Variants in DGCR2 observed in about 807,000 individuals in gnomAD.
DGCR2 encodes the protein integral membrane protein DGCR2/IDD.
DGCR2 carries 24 observed loss-of-function variants against 51.6 expected under a neutral mutation model. The observed-to-expected ratio is 0.47, with a 90% confidence interval of 0.34 to 0.65. The LOEUF is 0.65. Ranked by LOEUF, DGCR2 falls within the 30% of genes least tolerant of loss-of-function variation. DGCR2 has a pLI of 0.01. For synonymous variants in DGCR2, 340 were observed against 315.4 expected (o/e 1.08, Z -0.82); for missense variants, 765 against 772.1 (o/e 0.99, Z 0.11).
chr22:19,106,411 G>A (rs1356148419), intron 1 of DGCR2, among the ~76,000 whole-genome samples: 2 of 152,134 alleles, frequency 1.3e-5, no homozygotes, highest in African/African-American at 2.4e-5. Flanking sequence ...CTGCCACTGC[G>A]TCTCAGCAGC....
At chr22:19,120,680 T>A (rs1044105415) in intron 1 of DGCR2, among the ~76,000 whole-genome samples, 1 of 152,148 alleles carries the variant, frequency 6.6e-6, no homozygotes, top group African/African-American at 2.4e-5. Flanking sequence ...CTGAGCCCGG[T>A]GACCTCATCT....
At chr22:19,084,156 G>A (rs2082978061) in intron 2 of DGCR2, among the ~76,000 whole-genome samples, 1 of 152,162 alleles carries the variant, frequency 6.6e-6, no homozygotes, top group Admixed American at 6.5e-5. Flanking sequence ...TCTGGGAAGT[G>A]AGGAGTGTCT....
In DGCR2 at chr22:19,036,436, T is replaced by A. The variant is rs1487921515; in HGVS notation, c.*2429A>T. On this transcript the variant is annotated 3_prime_UTR_variant, in exon 10 of 10. Coordinates refer to ENST00000263196, the MANE Select transcript of DGCR2 (RefSeq NM_005137.3). ...ACAATGTACAGTATCAAATCCCACC[T>A]CCGCATGGCAGGTCAGAGGGCACCT... 3 of 152,412 alleles carry A rather than the reference T, an allele frequency of 2.0e-5. No individual in the cohort carries two copies. Among genetic ancestry groups the A allele is most frequent in the Non-Finnish European group, 4.4e-5 (3 of 68,014 alleles). 9.4% of individuals were successfully genotyped at this position (152,412 alleles called of 1,614,324 possible). A position where few individuals can be genotyped will look rare whatever the true frequency, so the allele number is the denominator to read the frequency against.
At chr22:19,072,808 A>G (rs1218697134) in intron 2 of DGCR2, among the ~76,000 whole-genome samples, 1 of 152,224 alleles carries the variant, frequency 6.6e-6, no homozygotes, top group Admixed American at 6.5e-5. Context: ...CGGGAGGCAG[A>G]GGTTGCAGTG....
At chr22:19,066,278 G>A (rs190401866) in intron 3 of DGCR2, among the ~76,000 whole-genome samples, 2 of 152,304 alleles carry the variant, frequency 1.3e-5, no homozygotes, top group Admixed American at 6.5e-5. Context: ...GGGCACACCT[G>A]TAGTCCCAGC....
chr22:19,108,886 C>A (rs1386296294), intron 1 of DGCR2, among the ~76,000 whole-genome samples: 2 of 151,532 alleles, frequency 1.3e-5, no homozygotes, highest in Non-Finnish European at 2.9e-5. Context: ...AAAAAATTAG[C>A]TGGGTGTGGT....
intron 7 of DGCR2, among the ~76,000 whole-genome samples, chr22:19,042,740 A>C (rs1276097901): frequency 1.3e-5 from 2 of 152,064 alleles, no homozygotes; most frequent in African/African-American, 2.4e-5. Flanking sequence ...TACACTTGGG[A>C]CTCGGATTGC....
At chr22:19,074,252 C>G (rs191634529) in intron 2 of DGCR2, among the ~76,000 whole-genome samples, 35 of 152,066 alleles carry the variant, frequency 2.3e-4, no homozygotes, top group Admixed American at 5.2e-4. Context: ...TGGTGAAACC[C>G]TGTCTCTACT....
intron 1 of DGCR2, among the ~76,000 whole-genome samples, chr22:19,115,620 A>G (rs2083365516): frequency 6.6e-6 from 1 of 152,256 alleles, no homozygotes. Context: ...CATTTGTTCA[A>G]TAACTGATTT....
rs5747978 is a variant in DGCR2, at chr22:19,089,441, C to T, written c.129G>A (p.Gln43=). The T allele has an allele frequency of 6.2e-7, 1 of 1,608,414 alleles. No individual in the cohort carries two copies. Among genetic ancestry groups the T allele is most frequent in the Non-Finnish European group, 8.5e-7 (1 of 1,177,242 alleles). ...GQFACRSGTI[Q]CIPLPWQCDG... ...CACACTGCCAGGGGAGGGGGATGCA[C>T]TGGATGGTGCCGCTGCGACACGCAA... is the stretch of plus-strand genomic sequence containing the variant. The change falls in exon 2 of 10, where the codon CAG becomes CAA. Residue 43 remains glutamine, a synonymous_variant. Coordinates refer to ENST00000263196, the MANE Select transcript of DGCR2 (RefSeq NM_005137.3).
At chr22:19,046,851 C>A in intron 7 of DGCR2, 1 of 304,506 alleles carries the variant, frequency 3.3e-6, no homozygotes, top group Non-Finnish European at 7.0e-6. Flanking sequence ...TGGGCAGGCT[C>A]TTTAGGCCAT....
At chr22:19,081,995 G>C (rs1201872776) in intron 2 of DGCR2, among the ~76,000 whole-genome samples, 1 of 151,418 alleles carries the variant, frequency 6.6e-6, no homozygotes, top group Non-Finnish European at 1.5e-5. Context: ...TGTAAGTGTT[G>C]CAAATATCTT....
chr22:19,099,491 G>A (rs757002557), intron 1 of DGCR2, among the ~76,000 whole-genome samples: 11 of 151,730 alleles, frequency 7.2e-5, no homozygotes, highest in South Asian at 2.1e-4. Flanking sequence ...GCTGAGGTGG[G>A]AGAATCACCT....
At chr22:19,070,529 G>C (rs541515726) in intron 2 of DGCR2, among the ~76,000 whole-genome samples, 1 of 152,174 alleles carries the variant, frequency 6.6e-6, no homozygotes, top group Non-Finnish European at 1.5e-5. Context: ...TGAGGGCAGA[G>C]GAAAGGGAAG....
Position 19,037,754 on chromosome 22 carries a change from GGCAAC to G in DGCR2, c.*1106_*1110del, listed in dbSNP as rs1218972017. ...GCAACAAAACCACTGCCCAGGAGCA[GGCAAC>G]AGGGTCCGTCAGGCAAAAGGGTGCC... On this transcript the variant is annotated 3_prime_UTR_variant, in exon 10 of 10. Coordinates refer to ENST00000263196, the MANE Select transcript of DGCR2 (RefSeq NM_005137.3). The G allele has an allele frequency of 6.6e-6, 1 of 152,502 alleles. No individual in the cohort carries two copies. The highest frequency in any genetic ancestry group is 1.5e-5 in the Non-Finnish European group (1 of 68,070). 9.4% of individuals were successfully genotyped at this position (152,502 alleles called of 1,614,324 possible). A position where few individuals can be genotyped will look rare whatever the true frequency, so the allele number is the denominator to read the frequency against.
rs2082386451 is a variant in DGCR2, at chr22:19,037,748, G to A, written c.*1117C>T. On this transcript the variant is annotated 3_prime_UTR_variant, in exon 10 of 10. Coordinates refer to ENST00000263196, the MANE Select transcript of DGCR2 (RefSeq NM_005137.3). ...TGTCAGGCAACAAAACCACTGCCCA[G>A]GAGCAGGCAACAGGGTCCGTCAGGC... is the stretch of plus-strand genomic sequence containing the variant. 6.6e-6 allele frequency: 1 copy of A among 152,488 alleles called. No individual in the cohort carries two copies. The highest frequency in any genetic ancestry group is 6.5e-5 in the Admixed American group (1 of 15,290). The allele number at this position is 152,488 out of a possible 1,614,324, so 9.4% of individuals were successfully genotyped here.
intron 1 of DGCR2, among the ~76,000 whole-genome samples, chr22:19,107,960 C>T (rs1329539277): frequency 6.6e-6 from 1 of 152,164 alleles, no homozygotes; most frequent in African/African-American, 2.4e-5. Context: ...TTTGCATGTG[C>T]CAGGCAGTAT....
chr22:19,117,345 T>G (rs1039525404), intron 1 of DGCR2, among the ~76,000 whole-genome samples: 1 of 152,198 alleles, frequency 6.6e-6, no homozygotes, highest in African/African-American at 2.4e-5. Flanking sequence ...AACCGCCAAC[T>G]AAAACAATAA....
intron 4 of DGCR2, 44 bp downstream of exon 4, chr22:19,064,804 C>T (rs1404712380): frequency 6.4e-7 from 1 of 1,568,864 alleles, no homozygotes; most frequent in Non-Finnish European, 8.7e-7. Flanking sequence ...CAGTAGTCAT[C>T]AGACTCTGAC....
Sources: allele counts gnomAD v4.1 joint callset (sites outside exome capture counted in the v4.1 genomes callset), GRCh38; gene constraint gnomAD v4.1.1; transcripts MANE v1.5; gene names NCBI Gene and HGNC (gene_info 2026-07-23, HGNC 2026-07-21).